MATCAP2: variants seen among roughly 807,000 people sequenced by gnomAD.
MATCAP2 encodes microtubule associated tyrosine carboxypeptidase 2, also known as putative tyrosine carboxypeptidase MATCAP2.
At chr7:36,351,687 C>T in the MATCAP2 span, among the ~76,000 whole-genome samples, 1 of 152,060 alleles carries the variant, frequency 6.6e-6, no homozygotes, top group Non-Finnish European at 1.5e-5. Context: ...TGGCTCATGC[C>T]TGTAATCCCA....
chr7:36,335,244 A>G, the MATCAP2 span: 1 of 1,451,260 alleles, frequency 6.9e-7, no homozygotes, highest in African/African-American at 1.4e-5. Context: ...AGAAGCTTTC[A>G]CAGAAAACAA....
the MATCAP2 span, among the ~76,000 whole-genome samples, chr7:36,344,179 T>C: frequency 6.6e-6 from 1 of 152,180 alleles, no homozygotes; most frequent in African/African-American, 2.4e-5. Flanking sequence ...ACTAGCCTCA[T>C]TCCCACAGGC....
At chr7:36,384,460 T>A in the MATCAP2 span, among the ~76,000 whole-genome samples, 1 of 152,240 alleles carries the variant, frequency 6.6e-6, no homozygotes, top group Non-Finnish European at 1.5e-5. Context: ...TATGCTTATA[T>A]TCATTTATTT....
chr7:36,335,384 A>T, the MATCAP2 span, among the ~76,000 whole-genome samples: 1 of 152,202 alleles, frequency 6.6e-6, no homozygotes, highest in African/African-American at 2.4e-5. Flanking sequence ...AGAACCTTCC[A>T]TGAGTTTAAG....
chr7:36,372,139 G>C, the MATCAP2 span, among the ~76,000 whole-genome samples: 1 of 151,916 alleles, frequency 6.6e-6, no homozygotes, highest in Non-Finnish European at 1.5e-5. Flanking sequence ...AAAAGAATTA[G>C]AACATTATAT....
At chr7:36,347,664 T>C in the MATCAP2 span, among the ~76,000 whole-genome samples, 2 of 152,248 alleles carry the variant, frequency 1.3e-5, no homozygotes, top group East Asian at 3.8e-4. Context: ...ATTTCCCATA[T>C]GACTGTAGAA....
At chr7:36,386,585 A>G in the MATCAP2 span, among the ~76,000 whole-genome samples, 14 of 152,198 alleles carry the variant, frequency 9.2e-5, no homozygotes, top group Non-Finnish European at 1.6e-4. Flanking sequence ...ATTTTCCCAG[A>G]AAATAGTAAA....
chr7:36,351,941 TAAA>T, the MATCAP2 span, among the ~76,000 whole-genome samples: 4,779 of 115,292 alleles, frequency 0.041, 172 homozygotes, highest in East Asian at 0.12. Context: ...GGGAGATTGT[TAAA>T]AAAAAAAAAA....
chr7:36,333,953 T>C, the MATCAP2 span: 2 of 1,613,924 alleles, frequency 1.2e-6, no homozygotes, highest in Admixed American at 3.3e-5. Context: ...CTTTAAAGAG[T>C]TCACAAAAAG....
chr7:36,387,039 T>C, the MATCAP2 span, among the ~76,000 whole-genome samples: 1 of 152,198 alleles, frequency 6.6e-6, no homozygotes, highest in East Asian at 1.9e-4. Context: ...CAAGTATATT[T>C]GTATAATAAA....
At chr7:36,370,362 C>A in the MATCAP2 span, among the ~76,000 whole-genome samples, 1 of 152,192 alleles carries the variant, frequency 6.6e-6, no homozygotes, top group African/African-American at 2.4e-5. Context: ...TCTATATTAA[C>A]CATTAATATT....
At chr7:36,356,801 T>C in the MATCAP2 span, 11 of 1,017,166 alleles carry the variant, frequency 1.1e-5, no homozygotes, top group South Asian at 2.7e-5. Flanking sequence ...AACATAGAAA[T>C]AATTTGAATA....
chr7:36,366,896 C>T, the MATCAP2 span: 1 of 1,469,472 alleles, frequency 6.8e-7, no homozygotes, highest in Non-Finnish European at 8.9e-7. Flanking sequence ...CCGCCGCGGC[C>T]AGCCCTTCCC....
chr7:36,378,427 T>C, the MATCAP2 span, among the ~76,000 whole-genome samples: 8 of 151,006 alleles, frequency 5.3e-5, no homozygotes, highest in Non-Finnish European at 1.2e-4. Flanking sequence ...CAGCAAATAT[T>C]GCAGAACAGC....
chr7:36,346,060 A>G, the MATCAP2 span, among the ~76,000 whole-genome samples: 1 of 152,144 alleles, frequency 6.6e-6, no homozygotes, highest in Non-Finnish European at 1.5e-5. Flanking sequence ...GGCCATTATT[A>G]ACCATCAGGG....
chr7:36,336,319 T>TG, the MATCAP2 span: 1 of 1,480,522 alleles, frequency 6.8e-7, no homozygotes, highest in Non-Finnish European at 9.1e-7. Context: ...AGAGAGATAA[T>TG]GAAAGTAAAC....
the MATCAP2 span, chr7:36,390,116 C>T: frequency 3.1e-6 from 5 of 1,606,712 alleles, no homozygotes; most frequent in Admixed American, 1.7e-5. Context: ...CTCTGTCAAC[C>T]TCTGGGCGAA....
the MATCAP2 span, among the ~76,000 whole-genome samples, chr7:36,379,219 T>G: frequency 6.6e-6 from 1 of 152,250 alleles, no homozygotes; most frequent in African/African-American, 2.4e-5. Context: ...CTGTTCCTAT[T>G]TGGCCATCTT....
At chr7:36,383,624 G>T in the MATCAP2 span, among the ~76,000 whole-genome samples, 1 of 152,128 alleles carries the variant, frequency 6.6e-6, no homozygotes, top group Non-Finnish European at 1.5e-5. Context: ...GAGAATGCAT[G>T]GACACAGGGA....
Sources: gnomAD v4.1 joint callset for allele counts (sites outside exome capture counted in the v4.1 genomes callset) on GRCh38, gnomAD v4.1.1 for gene constraint, MANE v1.5 for transcripts, NCBI Gene and HGNC (gene_info 2026-07-23, HGNC 2026-07-21) for gene names.